PARM1: variants seen among roughly 807,000 people sequenced by gnomAD.
PARM1 encodes the protein WSC4, cell wall integrity and stress response component 4 homolog.
In PARM1, 14 loss-of-function variants were observed where a neutral mutation model predicts 24.6. That is an observed-to-expected ratio of 0.57 (90% CI 0.38 to 0.89). PARM1 has a LOEUF of 0.89. Ranked by LOEUF, PARM1 falls within the 40% of genes least tolerant of loss-of-function variation. The probability of loss-of-function intolerance (pLI) is 0.00; values close to 1 mark genes in which losing one functional copy is unlikely to be tolerated. For synonymous variants in PARM1, 179 were observed against 156.6 expected (o/e 1.14, Z -1.07); for missense variants, 362 against 380.4 (o/e 0.95, Z 0.40).
At chr4:74,988,886 A>G (rs371015774) in intron 1 of PARM1, among the ~76,000 whole-genome samples, 3 of 152,154 alleles carry the variant, frequency 2.0e-5, no homozygotes, top group African/African-American at 7.2e-5. Context: ...GTGAAGCACA[A>G]TGATTAAGAT....
intron 1 of PARM1, among the ~76,000 whole-genome samples, chr4:74,962,383 G>A (rs1485321802): frequency 6.6e-6 from 1 of 152,102 alleles, no homozygotes. Context: ...AGCAATGTAG[G>A]AAATGAGGAA....
At chr4:74,987,475 C>A (rs1722379129) in intron 1 of PARM1, among the ~76,000 whole-genome samples, 1 of 152,108 alleles carries the variant, frequency 6.6e-6, no homozygotes, top group South Asian at 2.1e-4. Flanking sequence ...GCATGTAAAT[C>A]AAAACCTATT....
chr4:74,983,908 G>C (rs569969833), intron 1 of PARM1, among the ~76,000 whole-genome samples: 14 of 152,184 alleles, frequency 9.2e-5, no homozygotes, highest in African/African-American at 3.4e-4. Flanking sequence ...TGCCAGGCTG[G>C]ACTTGAACTC....
At chr4:75,015,626 C>G (rs1351398898) in intron 2 of PARM1, among the ~76,000 whole-genome samples, 1 of 152,186 alleles carries the variant, frequency 6.6e-6, no homozygotes. Flanking sequence ...CTCTTAATAT[C>G]AGTACTTAGT....
chr4:74,974,735 T>C (rs1722107103), intron 1 of PARM1, among the ~76,000 whole-genome samples: 1 of 152,158 alleles, frequency 6.6e-6, no homozygotes, highest in Non-Finnish European at 1.5e-5. Context: ...TAAGCTTCAA[T>C]GTGATGGTAT....
intron 2 of PARM1, among the ~76,000 whole-genome samples, chr4:75,017,250 T>C (rs549146290): frequency 6.6e-6 from 1 of 152,278 alleles, no homozygotes; most frequent in African/African-American, 2.4e-5. Context: ...CGCTCTCACA[T>C]TTCAATCACT....
At chr4:74,959,256 T>TC (rs563267718) in intron 1 of PARM1, among the ~76,000 whole-genome samples, 13 of 152,036 alleles carry the variant, frequency 8.6e-5, no homozygotes, top group African/African-American at 2.2e-4. Context: ...GCTCTTATCC[T>TC]CCCCCCCATC....
At chr4:74,969,931 C>T (rs1249063629) in intron 1 of PARM1, 1 of 152,218 alleles carries the variant, frequency 6.6e-6, no homozygotes, top group African/African-American at 2.4e-5. Flanking sequence ...GCTGAGCTCC[C>T]AGGGTTCTTA....
intron 1 of PARM1, among the ~76,000 whole-genome samples, chr4:74,935,913 TCCA>T (rs1721172681): frequency 6.6e-6 from 1 of 152,132 alleles, no homozygotes; most frequent in East Asian, 1.9e-4. Flanking sequence ...CGATTCCAGT[TCCA>T]CTGCAACCTC....
intron 1 of PARM1, among the ~76,000 whole-genome samples, chr4:74,970,896 A>G (rs574509503): frequency 1.3e-5 from 2 of 152,262 alleles, no homozygotes; most frequent in African/African-American, 4.8e-5. Flanking sequence ...GCCTAGTATG[A>G]GTCCTGGCTC....
chr4:75,030,109 G>A (rs967167582), intron 2 of PARM1, among the ~76,000 whole-genome samples: 1 of 152,156 alleles, frequency 6.6e-6, no homozygotes, highest in Admixed American at 6.5e-5. Flanking sequence ...TGAGAACACA[G>A]AGCAACACTG....
chr4:75,013,618 A>G (rs529720466), intron 2 of PARM1, among the ~76,000 whole-genome samples: 1 of 152,368 alleles, frequency 6.6e-6, no homozygotes, highest in South Asian at 2.1e-4. Flanking sequence ...GGCAGGGAGT[A>G]AATGCTCAGG....
At chr4:74,983,077 T>A (rs530555412) in intron 1 of PARM1, among the ~76,000 whole-genome samples, 13 of 152,292 alleles carry the variant, frequency 8.5e-5, no homozygotes, top group African/African-American at 2.6e-4. Flanking sequence ...CTCAGAGTCT[T>A]ATACTAAGTT....
intron 3 of PARM1, among the ~76,000 whole-genome samples, chr4:75,044,836 T>C (rs755217391): frequency 5.3e-5 from 8 of 152,124 alleles, no homozygotes; most frequent in Admixed American, 4.6e-4. Flanking sequence ...AGTCACATCT[T>C]ATGTGGATGG....
At chr4:74,991,590 A>T (rs1444470019) in intron 1 of PARM1, among the ~76,000 whole-genome samples, 1 of 152,190 alleles carries the variant, frequency 6.6e-6, no homozygotes, top group Non-Finnish European at 1.5e-5. Context: ...GCGCATACTT[A>T]TGTAGAAACA....
intron 1 of PARM1, among the ~76,000 whole-genome samples, chr4:74,936,390 C>G (rs972706109): frequency 6.6e-6 from 1 of 151,840 alleles, no homozygotes; most frequent in African/African-American, 2.4e-5. Flanking sequence ...CTGCTCCCCT[C>G]GGGATTCTCT....
At chr4:75,035,880 G>T (rs1248039748) in intron 3 of PARM1, among the ~76,000 whole-genome samples, 2 of 152,140 alleles carry the variant, frequency 1.3e-5, no homozygotes, top group African/African-American at 4.8e-5. Context: ...CATTAAGTCT[G>T]CATGTCCTTG....
At chr4:74,966,887 A>G (rs998654859) in intron 1 of PARM1, 1 of 152,050 alleles carries the variant, frequency 6.6e-6, no homozygotes, top group Non-Finnish European at 1.5e-5. Context: ...TTTCCTCCCA[A>G]ATTGATTGGT....
chr4:74,947,950 G>A (rs570184314), intron 1 of PARM1, among the ~76,000 whole-genome samples: 4 of 152,322 alleles, frequency 2.6e-5, no homozygotes, highest in Admixed American at 6.5e-5. Flanking sequence ...TGGTGTGAAA[G>A]GCCAGAGAAG....
Sources: gnomAD v4.1 joint callset for allele counts (sites outside exome capture counted in the v4.1 genomes callset) on GRCh38, gnomAD v4.1.1 for gene constraint, MANE v1.5 for transcripts, NCBI Gene and HGNC (gene_info 2026-07-23, HGNC 2026-07-21) for gene names.